PCDHA13: variants seen among roughly 807,000 people sequenced by gnomAD.
PCDHA13 encodes protocadherin alpha 13, also known as protocadherin alpha-13.
PCDHA13 carries 54 observed loss-of-function variants against 64.8 expected under a neutral mutation model. The observed-to-expected ratio is 0.83, with a 90% confidence interval of 0.67 to 1.04. The LOEUF (loss-of-function observed/expected upper bound fraction) is 1.04, where lower values mean the gene tolerates loss of function less well. PCDHA13 is among the 50% of genes least tolerant of loss of function. PCDHA13 has a pLI of 0.00. For synonymous variants in PCDHA13, 587 were observed against 564.4 expected, an observed-to-expected ratio of 1.04 and a Z score of -0.57; for missense variants, 1,248 against 1,254.3, an observed-to-expected ratio of 0.99 and a Z score of 0.08.
intron 3 of PCDHA13, among the ~76,000 whole-genome samples, chr5:140,996,427 G>A (rs1479947811): frequency 6.6e-6 from 1 of 152,176 alleles, no homozygotes; most frequent in Non-Finnish European, 1.5e-5. Context: ...GAAAACTTTG[G>A]GAATAGTCAG....
At chr5:140,996,755 C>T (rs1335663800) in intron 3 of PCDHA13, among the ~76,000 whole-genome samples, 2 of 152,142 alleles carry the variant, frequency 1.3e-5, no homozygotes, top group Non-Finnish European at 2.9e-5. Context: ...TATATCTGTG[C>T]AGGACTAAAA....
At chr5:141,005,220 C>T (rs2098201724) in intron 3 of PCDHA13, among the ~76,000 whole-genome samples, 1 of 152,192 alleles carries the variant, frequency 6.6e-6, no homozygotes, top group Admixed American at 6.5e-5. Flanking sequence ...CAAGTATTTA[C>T]TAAACACCTG....
At chr5:140,901,407 G>T (rs2068648687) in intron 1 of PCDHA13, among the ~76,000 whole-genome samples, 2 of 152,130 alleles carry the variant, frequency 1.3e-5, no homozygotes, top group Non-Finnish European at 2.9e-5. Context: ...AGAGATAGGG[G>T]TCTAGTTTCA....
At chr5:140,901,181 G>A (rs2068491755) in intron 1 of PCDHA13, among the ~76,000 whole-genome samples, 1 of 152,010 alleles carries the variant, frequency 6.6e-6, no homozygotes, top group African/African-American at 2.4e-5. Flanking sequence ...TTTGTTGATT[G>A]TTTGCTTTTC....
In PCDHA13 at chr5:140,915,632, C is replaced by CTCTG. The variant is rs1161142039; in HGVS notation, c.2394+30973_2394+30974insGTCT. 3.9e-3 allele frequency among the ~76,000 whole-genome samples: 565 copies of CTCTG among 144,610 alleles called. 2 individuals are homozygous for CTCTG. Among genetic ancestry groups the CTCTG allele is most frequent in the African/African-American group, 0.016 (538 of 34,672 alleles). 94.9% of individuals were successfully genotyped at this position (144,610 alleles called of 152,430 possible). A position where few individuals can be genotyped will look rare whatever the true frequency, so the allele number is the denominator to read the frequency against. On this transcript the variant is annotated intron_variant, in intron 1 of 3. Coordinates refer to ENST00000289272, the MANE Select transcript of PCDHA13 (RefSeq NM_018904.3). ...TGTCAAACAGTCTCTTTCTGTCTCT[C>CTCTG]TCTCTCTCTCTCTCTCTCTCTCTCA...
At chr5:140,966,821 C>T (rs1554228738) in intron 1 of PCDHA13, 1 of 1,557,928 alleles carries the variant, frequency 6.4e-7, no homozygotes, top group Admixed American at 1.9e-5. Flanking sequence ...GCTCCGGCGG[C>T]CCATGCCCTG....
chr5:140,940,549 A>G (rs1554213474), intron 1 of PCDHA13, among the ~76,000 whole-genome samples: 1 of 152,110 alleles, frequency 6.6e-6, no homozygotes, highest in Non-Finnish European at 1.5e-5. Context: ...CCTGGGCTCA[A>G]GTGATTCTCC....
At chr5:140,927,130 C>T (rs1554204065) in intron 1 of PCDHA13, 6 of 1,614,032 alleles carry the variant, frequency 3.7e-6, no homozygotes, top group African/African-American at 1.3e-5. Flanking sequence ...GGTCAGAGAG[C>T]CGGCGGACCG....
chr5:140,899,468 G>A (rs1243330987), intron 1 of PCDHA13, among the ~76,000 whole-genome samples: 131 of 152,196 alleles, frequency 8.6e-4, no homozygotes, highest in Admixed American at 2.5e-3. Context: ...TTTGTCTTTG[G>A]TTCTGTTTAT....
At chr5:140,938,535 T>C (rs1213072173) in intron 1 of PCDHA13, among the ~76,000 whole-genome samples, 2 of 140,516 alleles carry the variant, frequency 1.4e-5, no homozygotes, top group African/African-American at 2.6e-5. Flanking sequence ...ATGGATAATA[T>C]GGATTTTTAT....
At chr5:140,942,668 A>G (rs1047486718) in intron 1 of PCDHA13, among the ~76,000 whole-genome samples, 7 of 152,336 alleles carry the variant, frequency 4.6e-5, no homozygotes, top group Admixed American at 2.0e-4. Flanking sequence ...CAATAAGCAC[A>G]AAAGTTTTAG....
At chr5:140,901,941 T>C (rs1350790379) in intron 1 of PCDHA13, among the ~76,000 whole-genome samples, 3 of 152,110 alleles carry the variant, frequency 2.0e-5, no homozygotes, top group African/African-American at 7.2e-5. Flanking sequence ...CTAGGTATAT[T>C]TAGTTTTATT....
rs17844361 is a variant in PCDHA13, at chr5:140,927,747, C to T, written c.2394+43085C>T. ...AAGCAGAGCTGCGACACCGCTTTCA[C>T]GTGCACCCTAAAAGTGGGGAGGTGC... On this transcript the variant is annotated intron_variant, in intron 1 of 3. Coordinates refer to ENST00000289272, the MANE Select transcript of PCDHA13 (RefSeq NM_018904.3). 465 of 1,614,224 alleles carry T rather than the reference C, an allele frequency of 2.9e-4. No homozygotes were observed. In the East Asian group the frequency reaches 8.6e-3, roughly 30 times the overall value.
intron 1 of PCDHA13, among the ~76,000 whole-genome samples, chr5:140,958,399 T>C (rs1554223458): frequency 6.6e-6 from 1 of 152,178 alleles, no homozygotes; most frequent in African/African-American, 2.4e-5. Flanking sequence ...CATCAAACAT[T>C]ATCACTGATG....
intron 1 of PCDHA13, among the ~76,000 whole-genome samples, chr5:140,899,418 C>T (rs552409062): frequency 1.3e-5 from 2 of 152,254 alleles, no homozygotes; most frequent in African/African-American, 4.8e-5. Context: ...TGAATTTTGT[C>T]AAAGGTCTTT....
chr5:140,967,026 C>G, intron 1 of PCDHA13: 2 of 1,608,434 alleles, frequency 1.2e-6, no homozygotes, highest in East Asian at 4.5e-5. Flanking sequence ...GCGCCCAGTC[C>G]GCGCTACCTG....
At chr5:140,907,519 C>A (rs1378450434) in intron 1 of PCDHA13, among the ~76,000 whole-genome samples, 3 of 152,184 alleles carry the variant, frequency 2.0e-5, no homozygotes, top group Non-Finnish European at 4.4e-5. Flanking sequence ...CCAGTGAGGA[C>A]AAATCGCTGC....
intron 3 of PCDHA13, among the ~76,000 whole-genome samples, chr5:141,000,421 A>ATATAT (rs1265241806): frequency 3.6e-5 from 1 of 27,980 alleles, no homozygotes; most frequent in East Asian, 1.4e-3. Flanking sequence ...ATATATATAT[A>ATATAT]TTTTTTTTTT....
intron 1 of PCDHA13, among the ~76,000 whole-genome samples, chr5:140,901,260 T>C (rs1554189701): frequency 6.6e-6 from 1 of 152,308 alleles, no homozygotes; most frequent in East Asian, 1.9e-4. Flanking sequence ...CCTGTGATTG[T>C]GGGGTATTAC....
Sources: gnomAD v4.1 joint callset for allele counts (sites outside exome capture counted in the v4.1 genomes callset) on GRCh38, gnomAD v4.1.1 for gene constraint, MANE v1.5 for transcripts, NCBI Gene and HGNC (gene_info 2026-07-23, HGNC 2026-07-21) for gene names.